PHKA1: variants seen among roughly 807,000 people sequenced by gnomAD.
PHKA1 encodes the protein phosphorylase b kinase regulatory subunit alpha, skeletal muscle isoform.
A neutral mutation model predicts 110.2 loss-of-function variants in PHKA1; 60 were observed. The observed-to-expected ratio is 0.54, with a 90% CI of 0.44 to 0.68. The LOEUF (loss-of-function observed/expected upper bound fraction) is 0.68. PHKA1 is among the 30% of genes least tolerant of loss of function. PHKA1 has a pLI of 0.00. For synonymous variants in PHKA1, 316 were observed against 333.6 expected, an observed-to-expected ratio of 0.95 and a Z score of 0.58; for missense variants, 801 against 942.5, an observed-to-expected ratio of 0.85 and a Z score of 1.97.
At chrX:72,607,233 T>C (rs782369779) in intron 23 of PHKA1, among the ~76,000 whole-genome samples, 1 of 112,084 alleles carries the variant, frequency 8.9e-6, no homozygotes, top group South Asian at 3.8e-4. Flanking sequence ...TTTGGGTATA[T>C]ACCTAGCAGT....
intron 16 of PHKA1, among the ~76,000 whole-genome samples, chrX:72,631,679 A>G (rs1056112147): frequency 5.5e-5 from 6 of 109,464 alleles, no homozygotes; most frequent in African/African-American, 1.7e-4. Context: ...TATAAGGCCC[A>G]GGATATTTAC....
chrX:72,699,211 T>G (rs782034604), intron 3 of PHKA1, among the ~76,000 whole-genome samples: 2 of 109,379 alleles, frequency 1.8e-5, no homozygotes, highest in Admixed American at 9.8e-5. Context: ...GTAAAGAAAG[T>G]TATAAGAATA....
intron 6 of PHKA1, among the ~76,000 whole-genome samples, chrX:72,672,860 G>C (rs1231842434): frequency 8.9e-6 from 1 of 112,056 alleles, no homozygotes. Context: ...CACCTCTGTG[G>C]TATTCTTGCC....
chrX:72,597,188 C>A (rs782253622), intron 28 of PHKA1, among the ~76,000 whole-genome samples: 1 of 112,231 alleles, frequency 8.9e-6, no homozygotes, highest in East Asian at 2.8e-4. Flanking sequence ...TGGCCCTTGG[C>A]TGGCATTTAG....
rs185567824 is a variant in PHKA1, at chrX:72,648,308, G to A, written c.1324+2082C>T. Among the ~76,000 whole-genome samples, 3 of 111,650 alleles carry A rather than the reference G, an allele frequency of 2.7e-5. No homozygotes were observed. The East Asian group carries it at 8.4e-4, about 31-fold the overall frequency. On this transcript the variant is annotated intron_variant, in intron 13 of 31. Coordinates refer to ENST00000373542, the MANE Select transcript of PHKA1 (RefSeq NM_002637.4). ...CCCTTTTCCTGAGATTGCAGAAAATGAGGCAAGGATAGGTAAGACTGTAGG... is the reference window on the plus strand; with the variant it reads ...CCCTTTTCCTGAGATTGCAGAAAATAAGGCAAGGATAGGTAAGACTGTAGG...
chrX:72,707,630 C>CGTGTGTGT (rs61504690), intron 2 of PHKA1, among the ~76,000 whole-genome samples: 161 of 93,658 alleles, frequency 1.7e-3, no homozygotes, highest in East Asian at 9.0e-3. Flanking sequence ...ATCAAAAAAT[C>CGTGTGTGT]GTGTGTGTGT....
At chrX:72,678,087 C>T (rs1166781964) in intron 5 of PHKA1, among the ~76,000 whole-genome samples, 2 of 111,211 alleles carry the variant, frequency 1.8e-5, no homozygotes, top group African/African-American at 6.5e-5. Context: ...CCTTTTTGAA[C>T]GTTTCTTCAC....
rs2052668503 is a variant in PHKA1, at chrX:72,602,327, C to T, written c.2918-54G>A. 3.5e-5 allele frequency: 26 copies of T among 743,688 alleles called. No homozygotes were observed. The South Asian group carries it at 5.5e-4, about 16-fold the overall frequency. The allele number at this position is 743,688 out of a possible 1,213,427, so 61.3% of individuals were successfully genotyped here. ...GAGAGAGGATAATAAGGTTCAATTT[C>T]TTCCCCATCACATTTAAAAAAAACT... is the stretch of plus-strand genomic sequence containing the variant. On this transcript the variant is annotated intron_variant, in intron 26 of 31. Coordinates refer to ENST00000373542, the MANE Select transcript of PHKA1 (RefSeq NM_002637.4).
rs1211028240 is a variant in PHKA1 at position 72,578,871 on chromosome X, C to G, written c.*2131G>C. ...TAATTGGAAATTCTTATTATTTATT[C>G]TATTTTCAAAACATAAGTGCTTTTT... On this transcript the variant is annotated 3_prime_UTR_variant, in exon 32 of 32. Transcript: ENST00000373542. 9.0e-6 allele frequency: 1 copy of G among 111,574 alleles called. No homozygotes were observed. Among genetic ancestry groups the G allele is most frequent in the Non-Finnish European group, 1.9e-5 (1 of 53,125 alleles). 9.2% of individuals were successfully genotyped at this position (111,574 alleles called of 1,213,427 possible).
At position 72,580,363 on chromosome X, in the gene PHKA1, T is replaced by C. The variant is rs2052319498; in HGVS notation, c.*639A>G. On this transcript the variant is annotated 3_prime_UTR_variant, in exon 32 of 32. Transcript: ENST00000373542. ...ACCAAAGTGAGAGAGGCATTATGTG[T>C]GCAGACACAGAGAGGGCAACAGTAG... 3 of 109,090 alleles carry C rather than the reference T, an allele frequency of 2.8e-5. No homozygotes were observed. The highest frequency in any genetic ancestry group is 9.8e-5 in the African/African-American group (3 of 30,757). 9.0% of individuals were successfully genotyped at this position (109,090 alleles called of 1,213,427 possible). A position where few individuals can be genotyped will look rare whatever the true frequency, so the allele number is the denominator to read the frequency against.
intron 6 of PHKA1, among the ~76,000 whole-genome samples, chrX:72,668,527 G>A (rs1307104637): frequency 9.0e-6 from 1 of 111,465 alleles, no homozygotes; most frequent in Non-Finnish European, 1.9e-5. Context: ...GCATTAAATT[G>A]TTAACAAGAT....
chrX:72,692,757 T>C (rs1418516725), intron 4 of PHKA1, among the ~76,000 whole-genome samples: 1 of 111,511 alleles, frequency 9.0e-6, no homozygotes, highest in Non-Finnish European at 1.9e-5. Context: ...TTATCAATTT[T>C]GTTGATCTTT....
chrX:72,639,680 C>A (rs1465388693), intron 14 of PHKA1, among the ~76,000 whole-genome samples: 4 of 112,284 alleles, frequency 3.6e-5, no homozygotes, highest in Non-Finnish European at 5.6e-5. Context: ...GTGTCCACAT[C>A]TCCACATATT....
At chrX:72,676,824 G>C (rs1344522863) in intron 5 of PHKA1, among the ~76,000 whole-genome samples, 1 of 112,173 alleles carries the variant, frequency 8.9e-6, no homozygotes, top group Non-Finnish European at 1.9e-5. Flanking sequence ...TTATACAAAA[G>C]TTGCAAAAAC....
At chrX:72,622,250 T>C (rs782484449) in intron 18 of PHKA1, 19 of 752,343 alleles carry the variant, frequency 2.5e-5, no homozygotes, top group Middle Eastern at 1.5e-3. Context: ...GTTGTCCTAT[T>C]GTATGAGATT....
chrX:72,657,950 C>G (rs890030911), intron 8 of PHKA1, among the ~76,000 whole-genome samples: 3 of 111,623 alleles, frequency 2.7e-5, no homozygotes, highest in African/African-American at 9.8e-5. Context: ...AGCATAATTA[C>G]TAATCTATGT....
intron 29 of PHKA1, among the ~76,000 whole-genome samples, chrX:72,586,762 G>A (rs782260139): frequency 2.7e-5 from 3 of 110,016 alleles, no homozygotes; most frequent in South Asian, 3.9e-4. Context: ...TGCAAACCAC[G>A]GCACAAGAAC....
intron 21 of PHKA1, among the ~76,000 whole-genome samples, chrX:72,617,720 A>G (rs782366185): frequency 2.7e-5 from 3 of 111,168 alleles, no homozygotes; most frequent in Non-Finnish European, 5.7e-5. Flanking sequence ...AGATTGAATC[A>G]GTAATAAAAA....
At chrX:72,592,229 C>A (rs1556226471) in intron 29 of PHKA1, among the ~76,000 whole-genome samples, 2 of 112,634 alleles carry the variant, frequency 1.8e-5, no homozygotes, top group Non-Finnish European at 1.9e-5. Context: ...TATCAGTACT[C>A]TTTAAAGGAA....
Sources: allele counts gnomAD v4.1 joint callset (sites outside exome capture counted in the v4.1 genomes callset), GRCh38; gene constraint gnomAD v4.1.1; transcripts MANE v1.5; gene names NCBI Gene and HGNC (gene_info 2026-07-23, HGNC 2026-07-21).